Variants in RGS6 observed in about 807,000 individuals in gnomAD.
The protein encoded by RGS6 is regulator of G-protein signaling 6.
A neutral mutation model predicts 78.5 loss-of-function variants in RGS6; 30 were observed. The ratio of observed to expected loss-of-function variants is 0.38; its 90% confidence interval spans 0.29 to 0.52. The LOEUF (loss-of-function observed/expected upper bound fraction) is 0.52. Ranked by LOEUF, RGS6 falls within the 20% of genes least tolerant of loss-of-function variation. RGS6 has a pLI of 0.85. For synonymous variants in RGS6, 206 were observed against 206.0 expected (o/e 1.00, Z 0.00); for missense variants, 495 against 609.7 (o/e 0.81, Z 1.98).
chr14:71,944,633 A>G (rs2091205928), intron 1 of RGS6, among the ~76,000 whole-genome samples: 1 of 152,242 alleles, frequency 6.6e-6, no homozygotes, highest in South Asian at 2.1e-4. Flanking sequence ...TAGTTCAGAG[A>G]CAGCATTTTA....
the RGS6 span, among the ~76,000 whole-genome samples, chr14:71,887,710 A>G: frequency 1.3e-5 from 2 of 152,088 alleles, no homozygotes; most frequent in African/African-American, 4.8e-5. Flanking sequence ...GTTGTTTAAG[A>G]TGTTTGTCAA....
intron 2 of RGS6, among the ~76,000 whole-genome samples, chr14:72,216,244 G>C (rs1164253167): frequency 3.3e-5 from 5 of 152,216 alleles, no homozygotes; most frequent in Admixed American, 3.3e-4. Flanking sequence ...GTAAGGCTCA[G>C]GCCTCGTCCA....
At chr14:72,297,492 T>G (rs1377881892) in intron 2 of RGS6, among the ~76,000 whole-genome samples, 1 of 151,052 alleles carries the variant, frequency 6.6e-6, no homozygotes, top group Non-Finnish European at 1.5e-5. Context: ...GTTACATATG[T>G]ATACATGTGC....
At chr14:72,140,590 C>T (rs2096526147) in intron 2 of RGS6, among the ~76,000 whole-genome samples, 1 of 152,152 alleles carries the variant, frequency 6.6e-6, no homozygotes, top group African/African-American at 2.4e-5. Context: ...AGCAGTGACC[C>T]AAAACACCAT....
intron 2 of RGS6, among the ~76,000 whole-genome samples, chr14:72,338,195 A>G (rs2076382757): frequency 6.6e-6 from 1 of 151,964 alleles, no homozygotes; most frequent in East Asian, 1.9e-4. Flanking sequence ...AAGCTGTATT[A>G]GTTTTCACAA....
intron 2 of RGS6, among the ~76,000 whole-genome samples, chr14:71,994,756 A>G (rs1337274827): frequency 6.6e-6 from 1 of 151,912 alleles, no homozygotes; most frequent in Non-Finnish European, 1.5e-5. Context: ...ACCAGAAGCT[A>G]GAAGAGAGGC....
chr14:72,466,224 C>T (rs2095907531), intron 7 of RGS6, among the ~76,000 whole-genome samples: 1 of 152,162 alleles, frequency 6.6e-6, no homozygotes, highest in African/African-American at 2.4e-5. Flanking sequence ...ATAAAAAATA[C>T]TGATGATACC....
At chr14:72,308,552 G>T (rs2067793491) in intron 2 of RGS6, among the ~76,000 whole-genome samples, 1 of 152,152 alleles carries the variant, frequency 6.6e-6, no homozygotes, top group Non-Finnish European at 1.5e-5. Flanking sequence ...TCAGAACTCT[G>T]CCTTGCCCAC....
chr14:71,894,750 A>C, the RGS6 span, among the ~76,000 whole-genome samples: 2 of 152,168 alleles, frequency 1.3e-5, no homozygotes, highest in Non-Finnish European at 1.5e-5. Context: ...AGAATATATG[A>C]CTGTTTTTGT....
intron 2 of RGS6, among the ~76,000 whole-genome samples, chr14:71,974,631 A>C (rs1171585336): frequency 1.3e-5 from 2 of 152,232 alleles, no homozygotes; most frequent in South Asian, 4.1e-4. Flanking sequence ...GTTAGGGAGA[A>C]TATTCTTTAT....
chr14:72,568,200 A>G (rs910518044), downstream of RGS6, among the ~76,000 whole-genome samples: 2 of 152,182 alleles, frequency 1.3e-5, no homozygotes, highest in African/African-American at 4.8e-5. Flanking sequence ...GCAGAGCCCC[A>G]GAGCCACCCT....
intron 2 of RGS6, among the ~76,000 whole-genome samples, chr14:72,309,780 C>G (rs903387474): frequency 6.6e-6 from 1 of 152,248 alleles, no homozygotes; most frequent in African/African-American, 2.4e-5. Flanking sequence ...CCTCAAATCT[C>G]TGGCCATAGC....
chr14:72,476,069 TTGCA>T (rs1470054776), intron 10 of RGS6, among the ~76,000 whole-genome samples: 1 of 152,240 alleles, frequency 6.6e-6, no homozygotes, highest in African/African-American at 2.4e-5. Flanking sequence ...TGACTACACA[TTGCA>T]TGCCCTTCAG....
At chr14:72,134,483 A>C (rs1227589921) in intron 2 of RGS6, among the ~76,000 whole-genome samples, 1 of 151,834 alleles carries the variant, frequency 6.6e-6, no homozygotes, top group African/African-American at 2.4e-5. Flanking sequence ...CCTTTGTTTT[A>C]TGTACAGAAA....
intron 2 of RGS6, among the ~76,000 whole-genome samples, chr14:72,341,450 A>T (rs1596003379): frequency 6.6e-6 from 1 of 152,204 alleles, no homozygotes; most frequent in Admixed American, 6.5e-5. Context: ...AGTAACATGT[A>T]TAATACATAT....
At chr14:72,018,783 C>T (rs1159699091) in intron 2 of RGS6, among the ~76,000 whole-genome samples, 1 of 152,150 alleles carries the variant, frequency 6.6e-6, no homozygotes, top group African/African-American at 2.4e-5. Context: ...TCTCCTTCTC[C>T]CTCACCATGA....
At chr14:72,356,741 G>C (rs1304593451) in intron 3 of RGS6, among the ~76,000 whole-genome samples, 2 of 152,148 alleles carry the variant, frequency 1.3e-5, no homozygotes, top group African/African-American at 2.4e-5. Flanking sequence ...TTCATAAGGG[G>C]CTTTTCCCTG....
chr14:72,118,808 T>C (rs531181748), intron 2 of RGS6, among the ~76,000 whole-genome samples: 179 of 152,368 alleles, frequency 1.2e-3, no homozygotes, highest in African/African-American at 4.3e-3. Flanking sequence ...CACTTTTTAG[T>C]TATACTTAAT....
intron 2 of RGS6, among the ~76,000 whole-genome samples, chr14:72,235,437 C>A (rs2050762699): frequency 6.6e-6 from 1 of 152,202 alleles, no homozygotes; most frequent in Admixed American, 6.5e-5. Flanking sequence ...CTTTCTCTGG[C>A]ATAATTGAAA....
Sources: allele counts gnomAD v4.1 joint callset (sites outside exome capture counted in the v4.1 genomes callset), GRCh38; gene constraint gnomAD v4.1.1; transcripts MANE v1.5; gene names NCBI Gene and HGNC (gene_info 2026-07-23, HGNC 2026-07-21).